The following ZNF600 variants were observed in gnomAD, a reference collection of about 807,000 sequenced individuals.
The protein encoded by ZNF600 is zinc finger protein 600, also known as zinc finger protein KR-ZNF1.
Under a neutral mutation model 7.3 loss-of-function variants are expected in ZNF600, and 4 were observed. That is an observed-to-expected ratio of 0.55 (90% CI 0.27 to 1.25). ZNF600 has a LOEUF of 1.25. Among genes scored for constraint, ZNF600 ranks in the 50% most tolerant of loss-of-function variants. The pLI, the probability that ZNF600 is intolerant of heterozygous loss-of-function variation, is 0.12. For synonymous variants in ZNF600, 290 were observed against 308.9 expected (o/e 0.94, Z 0.64); for missense variants, 911 against 922.1 (o/e 0.99, Z 0.16).
chr19:52,829,996 G>A, the ZNF600 span, among the ~76,000 whole-genome samples: 65 of 152,290 alleles, frequency 4.3e-4, no homozygotes, highest in African/African-American at 1.4e-3. Context: ...GGAGGCAGCT[G>A]GGAACGGTGG....
At chr19:52,789,899 G>A (rs375373354), upstream of ZNF600, among the ~76,000 whole-genome samples, 140 of 152,148 alleles carry the variant, frequency 9.2e-4, 1 homozygote, top group African/African-American at 3.1e-3. Context: ...GGGTGGGGCC[G>A]TTTTATAAGA....
chr19:52,781,249 C>A (rs1438310298), intron 1 of ZNF600, 68 bp downstream of exon 2: 1 of 151,708 alleles, frequency 6.6e-6, no homozygotes, highest in African/African-American at 2.4e-5. Flanking sequence ...AAAAGTCACA[C>A]ACTGTATTTT....
chr19:52,777,821 T>G (rs1355277862), intron 2 of ZNF600, among the ~76,000 whole-genome samples: 1 of 152,070 alleles, frequency 6.6e-6, no homozygotes, highest in Non-Finnish European at 1.5e-5. Context: ...TGAGCGAGAC[T>G]CCATCTTAAA....
chr19:52,817,918 G>A, the ZNF600 span: 1,105,428 of 1,609,008 alleles, frequency 0.69, 389,402 homozygotes, highest in Non-Finnish European at 0.73. Context: ...AGGAGACAGA[G>A]CAATCCACCG....
At chr19:52,790,664 A>C (rs2062788737), upstream of ZNF600, among the ~76,000 whole-genome samples, 1 of 146,694 alleles carries the variant, frequency 6.8e-6, no homozygotes, top group African/African-American at 2.5e-5. Context: ...ACAGAGCAAC[A>C]TTATCTCTCT....
the ZNF600 span, among the ~76,000 whole-genome samples, chr19:52,820,108 C>CTT: frequency 8.1e-4 from 97 of 120,268 alleles, 2 homozygotes; most frequent in African/African-American, 1.5e-3. Flanking sequence ...TATTTAACCT[C>CTT]TTTTTTTTTT....
intron 1 of ZNF600, among the ~76,000 whole-genome samples, chr19:52,781,917 C>T (rs77724982): frequency 0.036 from 5,448 of 152,186 alleles, 198 homozygotes; most frequent in African/African-American, 0.091. Context: ...ACAAATTAGC[C>T]AGGCGTAGGG....
At chr19:52,779,181 C>T (rs2062700713) in intron 1 of ZNF600, among the ~76,000 whole-genome samples, 1 of 152,194 alleles carries the variant, frequency 6.6e-6, no homozygotes. Context: ...AGGGCACAAA[C>T]CCATCCTTCA....
chr19:52,807,901 A>C, the ZNF600 span: 16 of 1,548,888 alleles, frequency 1.0e-5, no homozygotes, highest in Non-Finnish European at 1.4e-5. Flanking sequence ...TTCATTTCAA[A>C]ATCAATACGG....
the ZNF600 span, chr19:52,821,456 C>T: frequency 1.3e-5 from 2 of 152,246 alleles, no homozygotes; most frequent in Admixed American, 1.3e-4. Flanking sequence ...CCCAGTAGAA[C>T]ATCTCCATTT....
At chr19:52,765,842 G>A (rs2062567038) in exon 4 of ZNF600, 1 of 1,613,990 alleles carries the variant, frequency 6.2e-7, no homozygotes, top group South Asian at 1.1e-5. Flanking sequence ...TTTCACATTT[G>A]TAAAGTTTCT....
At chr19:52,791,056 T>C (rs2062789779), upstream of ZNF600, among the ~76,000 whole-genome samples, 2 of 152,214 alleles carry the variant, frequency 1.3e-5, no homozygotes, top group Non-Finnish European at 2.9e-5. Context: ...TCAAATGCAC[T>C]ACCAAATCAG....
intron 3 of ZNF600, among the ~76,000 whole-genome samples, chr19:52,773,178 T>G (rs1186271317): frequency 1.3e-5 from 2 of 152,172 alleles, no homozygotes; most frequent in Non-Finnish European, 2.9e-5. Flanking sequence ...AATGGGCATG[T>G]AGGAGTGAAC....
chr19:52,818,010 C>T, the ZNF600 span: 3 of 1,608,920 alleles, frequency 1.9e-6, no homozygotes, highest in Non-Finnish European at 2.5e-6. Context: ...CCTCACGTAC[C>T]AAGATTCTTT....
At chr19:52,800,392 GTC>G in the ZNF600 span, 1 of 1,613,972 alleles carries the variant, frequency 6.2e-7, no homozygotes, top group Non-Finnish European at 8.5e-7. Context: ...ATCCTCCTAT[GTC>G]TTTCAAGGTG....
intron 1 of ZNF600, among the ~76,000 whole-genome samples, chr19:52,783,440 C>A (rs1426651890): frequency 6.6e-6 from 1 of 152,190 alleles, no homozygotes; most frequent in Non-Finnish European, 1.5e-5. Flanking sequence ...CGGCTCACTG[C>A]AAGCTCCGCC....
chr19:52,775,099 G>T (rs1281607495), intron 2 of ZNF600, among the ~76,000 whole-genome samples: 1 of 152,042 alleles, frequency 6.6e-6, no homozygotes, highest in Non-Finnish European at 1.5e-5. Flanking sequence ...AATTTGTCAG[G>T]CATGGTGGCA....
chr19:52,774,458 CAAA>C (rs35098902), intron 3 of ZNF600, 114 bp downstream of exon 5: 149 of 813,814 alleles, frequency 1.8e-4, no homozygotes, highest in Middle Eastern at 1.3e-3. Flanking sequence ...AAAAAACAAC[CAAA>C]AAAAAAAAAA....
At chr19:52,767,247 G>C in exon 4 of ZNF600, 1 of 1,614,122 alleles carries the variant, frequency 6.2e-7, no homozygotes, top group Non-Finnish European at 8.5e-7. Context: ...ACAATTAAAG[G>C]CTTTGCCACT....
Sources: allele counts gnomAD v4.1 joint callset (sites outside exome capture counted in the v4.1 genomes callset), GRCh38; gene constraint gnomAD v4.1.1; transcripts MANE v1.5; gene names NCBI Gene and HGNC (gene_info 2026-07-23, HGNC 2026-07-21).